Variants in FRMD4A observed in about 807,000 individuals in gnomAD.
FRMD4A encodes the protein FERM domain-containing protein 4A.
Under a neutral mutation model 129.1 loss-of-function variants are expected in FRMD4A, and 29 were observed. The observed-to-expected ratio is 0.22, with a 90% CI of 0.17 to 0.31. The LOEUF (loss-of-function observed/expected upper bound fraction) is 0.31. Ranked by LOEUF, FRMD4A falls within the 10% of genes least tolerant of loss-of-function variation. FRMD4A has a pLI of 1.00. For missense variants in FRMD4A, 1,272 were observed against 1,375.8 expected (o/e 0.92, Z 1.19); for synonymous variants, 634 against 571.6 (o/e 1.11, Z -1.56).
At chr10:14,290,043 T>G (rs560527409) in intron 2 of FRMD4A, among the ~76,000 whole-genome samples, 29 of 152,152 alleles carry the variant, frequency 1.9e-4, no homozygotes, top group African/African-American at 6.5e-4. Context: ...GAAATAAGTT[T>G]AACTAAAGAG....
chr10:14,112,548 T>C (rs1837968089), intron 2 of FRMD4A, among the ~76,000 whole-genome samples: 1 of 152,200 alleles, frequency 6.6e-6, no homozygotes, highest in African/African-American at 2.4e-5. Context: ...TTTTTTGAGA[T>C]GGAGTCTCAC....
intron 2 of FRMD4A, among the ~76,000 whole-genome samples, chr10:14,231,402 G>A (rs984015729): frequency 6.6e-6 from 1 of 151,676 alleles, no homozygotes; most frequent in African/African-American, 2.4e-5. Flanking sequence ...GAGTGCAGTG[G>A]CATGACCTCG....
intron 13 of FRMD4A, among the ~76,000 whole-genome samples, chr10:13,705,810 G>C (rs887488317): frequency 6.6e-6 from 1 of 152,174 alleles, no homozygotes; most frequent in African/African-American, 2.4e-5. Flanking sequence ...CCTGACTGTG[G>C]AGATGCAGAA....
chr10:13,679,929 A>G (rs190771396), intron 15 of FRMD4A, among the ~76,000 whole-genome samples: 5 of 152,264 alleles, frequency 3.3e-5, no homozygotes, highest in Admixed American at 2.0e-4. Flanking sequence ...AGGGAGCCCA[A>G]AATGCCCTCT....
At chr10:14,058,411 G>C (rs917666831) in intron 2 of FRMD4A, among the ~76,000 whole-genome samples, 4 of 152,180 alleles carry the variant, frequency 2.6e-5, no homozygotes, top group South Asian at 2.1e-4. Context: ...ACGTTGTCTA[G>C]TCTAGATCAA....
At chr10:13,891,736 C>T (rs962282160) in intron 2 of FRMD4A, 1 of 984,130 alleles carries the variant, frequency 1.0e-6, no homozygotes, top group African/African-American at 1.7e-5. Flanking sequence ...TACTAGGCGG[C>T]CTTGGCGCCC....
At chr10:14,197,612 C>T (rs1244773756) in intron 2 of FRMD4A, among the ~76,000 whole-genome samples, 1 of 152,230 alleles carries the variant, frequency 6.6e-6, no homozygotes, top group Non-Finnish European at 1.5e-5. Context: ...CCGCCCACCT[C>T]TGCCTCCCAA....
intron 2 of FRMD4A, among the ~76,000 whole-genome samples, chr10:14,182,577 G>A (rs1001953397): frequency 6.6e-5 from 10 of 151,974 alleles, no homozygotes; most frequent in African/African-American, 1.9e-4. Context: ...TCTCTAATTG[G>A]CCTATCCTTC....
chr10:13,864,341 A>AAAG (rs2094335951), intron 2 of FRMD4A, among the ~76,000 whole-genome samples: 2 of 148,298 alleles, frequency 1.3e-5, no homozygotes, highest in Admixed American at 6.7e-5. Context: ...CTTGAGTCAA[A>AAAG]AAAAAAAAAA....
At position 13,701,402 on chromosome 10, in the gene FRMD4A, T is replaced by G; in HGVS notation, c.913A>C (p.Lys305Gln). The G allele has an allele frequency of 6.2e-7, 1 of 1,614,064 alleles. No individual in the cohort carries two copies. The highest frequency in any genetic ancestry group is 8.5e-7 in the Non-Finnish European group (1 of 1,179,866). ...CTTATGGCCATAGCCCAGATGGACT[T>G]GATCAATGCCGGACATGCATACCAC... is the stretch of plus-strand genomic sequence containing the variant. The part of the protein sequence containing the change: ...HTWYACPALI[K>Q]SIWAMAISQH... Residue 305 changes from lysine to glutamine, a missense_variant, in exon 14 of 25, where the codon AAG becomes CAG. Transcript: ENST00000357447.
At chr10:14,104,115 C>T (rs985264943) in intron 2 of FRMD4A, among the ~76,000 whole-genome samples, 10 of 152,174 alleles carry the variant, frequency 6.6e-5, no homozygotes, top group Non-Finnish European at 1.3e-4. Context: ...GTCTACATCG[C>T]CATCAAGGTC....
At chr10:13,879,355 T>C (rs2094522677) in intron 2 of FRMD4A, among the ~76,000 whole-genome samples, 1 of 151,876 alleles carries the variant, frequency 6.6e-6, no homozygotes, top group South Asian at 2.1e-4. Context: ...AAAAAATCTT[T>C]TAAAAAACGT....
chr10:13,678,418 G>C (rs1300774091), intron 15 of FRMD4A, among the ~76,000 whole-genome samples: 1 of 152,260 alleles, frequency 6.6e-6, no homozygotes, highest in Non-Finnish European at 1.5e-5. Context: ...ATGGTGGATA[G>C]AGGGTAAAAC....
rs77140721 is a variant in FRMD4A, at chr10:13,875,203, A to G, written c.46-16291T>C. Among the ~76,000 whole-genome samples the G allele has an allele frequency of 8.8e-3, 1,344 of 152,284 alleles. 17 individuals carry two copies. The highest frequency in any genetic ancestry group is 0.03 in the African/African-American group (1,264 of 41,568). On this transcript the variant is annotated intron_variant, in intron 2 of 24. Coordinates refer to ENST00000357447, the MANE Select transcript of FRMD4A (RefSeq NM_018027.5). ...GACACCGTCTTTATGAAAACAAAGAAGGGGGAGCTAATCGTCTGAGTGAGG... is the reference window on the plus strand; with the variant it reads ...GACACCGTCTTTATGAAAACAAAGAGGGGGGAGCTAATCGTCTGAGTGAGG...
chr10:13,777,063 G>A (rs1346257335), intron 6 of FRMD4A, among the ~76,000 whole-genome samples: 1 of 152,258 alleles, frequency 6.6e-6, no homozygotes, highest in Non-Finnish European at 1.5e-5. Context: ...GAAGCTTGGA[G>A]ACGTTACAGG....
intron 2 of FRMD4A, among the ~76,000 whole-genome samples, chr10:14,103,109 C>G (rs1837397453): frequency 6.6e-6 from 1 of 152,204 alleles, no homozygotes; most frequent in South Asian, 2.1e-4. Flanking sequence ...ATAACAGAAG[C>G]CTCTCCGTCA....
intron 12 of FRMD4A, among the ~76,000 whole-genome samples, chr10:13,722,042 G>C (rs1419751858): frequency 1.3e-5 from 2 of 152,148 alleles, no homozygotes; most frequent in East Asian, 3.8e-4. Context: ...CCCATGACAA[G>C]GCTGTGCTCG....
At chr10:13,906,082 C>T (rs948189704) in intron 2 of FRMD4A, among the ~76,000 whole-genome samples, 1 of 152,202 alleles carries the variant, frequency 6.6e-6, no homozygotes, top group Non-Finnish European at 1.5e-5. Context: ...TCTGCAGCCC[C>T]CAGTCTGGGA....
chr10:13,974,975 C>G (rs2095536247), intron 2 of FRMD4A, among the ~76,000 whole-genome samples: 1 of 138,072 alleles, frequency 7.2e-6, no homozygotes, highest in Non-Finnish European at 1.6e-5. Context: ...GAGCAATTCA[C>G]TATAGGTGTG....
Sources: allele counts gnomAD v4.1 joint callset (sites outside exome capture counted in the v4.1 genomes callset), GRCh38; gene constraint gnomAD v4.1.1; transcripts MANE v1.5; gene names NCBI Gene and HGNC (gene_info 2026-07-23, HGNC 2026-07-21).